NPIPB15: variants seen among roughly 807,000 people sequenced by gnomAD.
NPIPB15 encodes nuclear pore complex interacting protein family member B15.
In NPIPB15, 5 loss-of-function variants were observed where a neutral mutation model predicts 35.9. The ratio of observed to expected loss-of-function variants is 0.14; its 90% CI spans 0.07 to 0.29. The LOEUF is 0.29. NPIPB15 is among the 10% of genes least tolerant of loss of function. The pLI, the probability that NPIPB15 is intolerant of heterozygous loss-of-function variation, is 1.00. For synonymous variants in NPIPB15, 43 were observed against 182.0 expected (o/e 0.24, Z 6.15); for missense variants, 100 against 506.1 (o/e 0.20, Z 7.70).
rs1282190103 is a variant in NPIPB15 at position 74,388,937 on chromosome 16, G to A, written c.546-888G>A. 298 of 904,356 alleles carry A rather than the reference G, an allele frequency of 3.3e-4. 15 individuals are homozygous for A. Among genetic ancestry groups the A allele is most frequent in the Non-Finnish European group, 3.8e-4 (292 of 760,492 alleles). 56.0% of individuals were successfully genotyped at this position (904,356 alleles called of 1,614,324 possible). ...GAAACAAATGGTCAGAAGACCTATCGTGAGAGAGAGAGAGAGTTCACAAAA... is the reference window on the plus strand; with the variant it reads ...GAAACAAATGGTCAGAAGACCTATCATGAGAGAGAGAGAGAGTTCACAAAA... On this transcript the variant is annotated intron_variant, in intron 5 of 7. Transcript: ENST00000692376.
intron 2 of NPIPB15, among the ~76,000 whole-genome samples, chr16:74,380,783 C>T (rs1228247071): frequency 2.1e-4 from 32 of 150,806 alleles, no homozygotes; most frequent in Middle Eastern, 3.4e-3. Flanking sequence ...GAGAGCACGC[C>T]ACTGCACTCC....
chr16:74,378,423 C>CTTTTTT (rs1002146100), intron 2 of NPIPB15, among the ~76,000 whole-genome samples: 29 of 86,124 alleles, frequency 3.4e-4, no homozygotes, highest in East Asian at 4.7e-4. Context: ...GGTTTGATGC[C>CTTTTTT]TTTTTTTTTT....
intron 5 of NPIPB15, among the ~76,000 whole-genome samples, chr16:74,389,251 G>C (rs1241866893): frequency 1.3e-5 from 2 of 149,150 alleles, no homozygotes; most frequent in African/African-American, 5.0e-5. Context: ...GCTCAATGAA[G>C]GATGAATTAG....
At chr16:74,379,799 A>T (rs1410980452) in intron 2 of NPIPB15, among the ~76,000 whole-genome samples, 1 of 151,814 alleles carries the variant, frequency 6.6e-6, no homozygotes, top group African/African-American at 2.4e-5. Context: ...CGTGTTAGCT[A>T]GGATGGTCTC....
At chr16:74,384,990 CTTGT>C (rs1370731560) in intron 3 of NPIPB15, among the ~76,000 whole-genome samples, 9 of 86,744 alleles carry the variant, frequency 1.0e-4, no homozygotes, top group South Asian at 4.6e-4. Flanking sequence ...TCATGTCATT[CTTGT>C]GTGTGTGTGT....
intron 2 of NPIPB15, among the ~76,000 whole-genome samples, chr16:74,378,896 G>T (rs1429188739): frequency 2.0e-5 from 3 of 151,946 alleles, no homozygotes; most frequent in South Asian, 2.1e-4. Context: ...TGCTTCCCAG[G>T]TTCGAGCGAT....
At chr16:74,389,024 C>G (rs1406885237) in intron 5 of NPIPB15, among the ~76,000 whole-genome samples, 4 of 149,352 alleles carry the variant, frequency 2.7e-5, no homozygotes, top group African/African-American at 9.8e-5. Context: ...CAAAACGTCT[C>G]CTGACCCCAT....
At chr16:74,384,668 ATT>A (rs1186582416) in intron 3 of NPIPB15, among the ~76,000 whole-genome samples, 32 of 61,576 alleles carry the variant, frequency 5.2e-4, no homozygotes, top group South Asian at 2.1e-3. Context: ...CACCTGGCCT[ATT>A]TTTTTTTTTT....
rs1350232331 is a variant in NPIPB15 at position 74,391,588 on chromosome 16, T to A, written c.840T>A (p.Asp280Glu). ...ATCCCCTTCCACCCTCAGTGGATGA[T>A]AATATCAAGGAGTGTCCTCTTGCTC... ...LLHPLPPSVD[D>E]NIKECPLAPL... is the part of the protein sequence containing the mutation. Residue 280 changes from aspartate (D) to glutamate (E), a missense_variant, in exon 8 of 8, where the codon GAT becomes GAA. By Grantham distance (45) the Asp-to-Glu change is conservative. Coordinates refer to ENST00000692376, the MANE Select transcript of NPIPB15 (RefSeq NM_001306094.2). The A allele has an allele frequency of 6.2e-7, 1 of 1,613,776 alleles. No individual in the cohort carries two copies. The highest frequency in any genetic ancestry group is 1.7e-5 in the Admixed American group (1 of 59,966).
At chr16:74,389,217 G>A (rs1490898940) in intron 5 of NPIPB15, among the ~76,000 whole-genome samples, 8 of 144,518 alleles carry the variant, frequency 5.5e-5, no homozygotes, top group African/African-American at 2.1e-4. Flanking sequence ...AATACAAAGA[G>A]AATACAGCTT....
At chr16:74,382,561 T>C (rs1240668498) in intron 3 of NPIPB15, among the ~76,000 whole-genome samples, 1 of 152,252 alleles carries the variant, frequency 6.6e-6, no homozygotes, top group Non-Finnish European at 1.5e-5. Context: ...GGCTGCTAAG[T>C]TGTGCCATAA....
rs190656214 is a variant in NPIPB15, at chr16:74,377,221, A to C, written c.-148A>C. ...GCTTGGGTATGAAGTTCTTCCTGCC[A>C]TCCTGCCATCATTTGTTTTTTATGT... is the stretch of plus-strand genomic sequence containing the variant. On this transcript the variant is annotated 5_prime_UTR_variant, in exon 1 of 8. Transcript: ENST00000692376. Among the ~76,000 whole-genome samples the C allele has an allele frequency of 9.0e-5, 13 of 145,002 alleles. No individual in the cohort carries two copies. In the East Asian group the frequency reaches 2.2e-3, roughly 25 times the overall value.
At chr16:74,383,769 A>T (rs1001177237) in intron 3 of NPIPB15, among the ~76,000 whole-genome samples, 1 of 151,910 alleles carries the variant, frequency 6.6e-6, no homozygotes, top group Non-Finnish European at 1.5e-5. Context: ...GACAAAAATT[A>T]GCCAGGCATG....
intron 3 of NPIPB15, among the ~76,000 whole-genome samples, chr16:74,384,762 A>T (rs2012175295): frequency 1.5e-5 from 2 of 136,044 alleles, no homozygotes; most frequent in African/African-American, 2.8e-5. Flanking sequence ...GCTCACCACA[A>T]CCTTTTCCTG....
rs746200535 is a variant in NPIPB15, at chr16:74,391,580, G to A, written c.832G>A (p.Val278Met). Residue 278 changes from valine (V) to methionine (M), a missense_variant, in exon 8 of 8, where the codon GTG (valine) becomes ATG (methionine). By Grantham distance (21) the Val-to-Met change is conservative. Transcript: ENST00000692376. The stretch of plus-strand genomic sequence containing the variant: ...TCTCCTTCATCCCCTTCCACCCTCA[G>A]TGGATGATAATATCAAGGAGTGTCC... ...ECLLHPLPPS[V>M]DDNIKECPLA... The A allele has an allele frequency of 6.2e-7, 1 of 1,610,328 alleles. No individual in the cohort carries two copies. The highest frequency in any genetic ancestry group is 2.2e-5 in the East Asian group (1 of 44,822).
At chr16:74,381,851 G>C in intron 3 of NPIPB15, 153 bp downstream of exon 3, 1 of 901,816 alleles carries the variant, frequency 1.1e-6, no homozygotes, top group Non-Finnish European at 1.6e-6. Context: ...TTATGAAAAT[G>C]TCTGCCATTT....
Position 74,391,582 on chromosome 16 carries a change from G to T in NPIPB15, c.834G>T (p.Val278=). 1 of 1,610,314 alleles carries T rather than the reference G, an allele frequency of 6.2e-7. No homozygotes were observed. The highest frequency in any genetic ancestry group is 8.5e-7 in the Non-Finnish European group (1 of 1,176,840). Residue 278 remains valine (V), a synonymous_variant, in exon 8 of 8, where the codon GTG becomes GTT. Coordinates refer to ENST00000692376, the MANE Select transcript of NPIPB15 (RefSeq NM_001306094.2). Reference sequence around the variant, plus strand: ...TCCTTCATCCCCTTCCACCCTCAGTGGATGATAATATCAAGGAGTGTCCTC... The same window carrying T: ...TCCTTCATCCCCTTCCACCCTCAGTTGATGATAATATCAAGGAGTGTCCTC... ...ECLLHPLPPS[V]DDNIKECPLA... is the part of the protein sequence containing the mutation.
intron 5 of NPIPB15, among the ~76,000 whole-genome samples, chr16:74,386,781 CAG>C (rs2012305883): frequency 6.7e-6 from 1 of 149,414 alleles, no homozygotes; most frequent in South Asian, 2.1e-4. Context: ...TTAGTAGAGA[CAG>C]GGGTTCACCA....
In NPIPB15 at chr16:74,381,672, A is replaced by G. The variant is rs765194197; in HGVS notation, c.223A>G (p.Ile75Val). 2 of 1,593,532 alleles carry G rather than the reference A, an allele frequency of 1.3e-6. No individual in the cohort carries two copies. Among genetic ancestry groups the G allele is most frequent in the South Asian group, 2.2e-5 (2 of 90,262 alleles). Residue 75 changes from isoleucine to valine, a missense_variant, in exon 3 of 8, where the codon ATT (isoleucine) becomes GTT (valine). Transcript: ENST00000692376. ...GTTTCTGAGACGTGACACATTTACC[A>G]TTCTCTTCTGCACAAGTTACCTTTG... ...IGFLRRDTFTILFCTSYLCVS... is the reference protein window; with the variant it reads ...IGFLRRDTFTVLFCTSYLCVS...
Sources: gnomAD v4.1 joint callset for allele counts (sites outside exome capture counted in the v4.1 genomes callset) on GRCh38, gnomAD v4.1.1 for gene constraint, MANE v1.5 for transcripts, NCBI Gene and HGNC (gene_info 2026-07-23, HGNC 2026-07-21) for gene names.